Variants in SAP130 observed in about 807,000 individuals in gnomAD.
The protein encoded by SAP130 is Sin3A associated protein 130.
A neutral mutation model predicts 103.2 loss-of-function variants in SAP130; 16 were observed. The ratio of observed to expected loss-of-function variants is 0.16; its 90% CI spans 0.10 to 0.24. The LOEUF (loss-of-function observed/expected upper bound fraction) is 0.24. Among genes scored for constraint, SAP130 ranks in the 10% least tolerant of loss-of-function variants. SAP130 has a pLI of 1.00. For synonymous variants in SAP130, 477 were observed against 497.0 expected (o/e 0.96, Z 0.53); for missense variants, 990 against 1,359.7 (o/e 0.73, Z 4.28).
At chr2:128,016,058 C>G (rs894888240) in intron 4 of SAP130, among the ~76,000 whole-genome samples, 1 of 152,030 alleles carries the variant, frequency 6.6e-6, no homozygotes, top group African/African-American at 2.4e-5. Context: ...CCCCGGAAGG[C>G]AGTTCTTGAC....
intron 7 of SAP130, among the ~76,000 whole-genome samples, chr2:128,004,755 C>G (rs1326430039): frequency 2.0e-5 from 3 of 152,084 alleles, no homozygotes; most frequent in Non-Finnish European, 4.4e-5. Flanking sequence ...TGCGGGGGAC[C>G]TAGGGAAGAG....
intron 1 of SAP130, among the ~76,000 whole-genome samples, chr2:128,026,538 T>A (rs1428139377): frequency 6.6e-6 from 1 of 152,248 alleles, no homozygotes; most frequent in Non-Finnish European, 1.5e-5. Context: ...TAAATACTTG[T>A]GGATTGCTAT....
intron 16 of SAP130, among the ~76,000 whole-genome samples, chr2:127,952,750 T>A (rs1679580384): frequency 6.6e-6 from 1 of 152,148 alleles, no homozygotes; most frequent in African/African-American, 2.4e-5. Flanking sequence ...GAAATATTTT[T>A]GTTCTTGCAA....
At chr2:127,972,344 C>A (rs1041464710) in intron 15 of SAP130, among the ~76,000 whole-genome samples, 1 of 152,222 alleles carries the variant, frequency 6.6e-6, no homozygotes, top group African/African-American at 2.4e-5. Context: ...GGTGCAGTGG[C>A]TCATGCCTGT....
chr2:128,027,057 G>C (rs570340621), intron 1 of SAP130: 1 of 1,401,388 alleles, frequency 7.1e-7, no homozygotes. Flanking sequence ...GCGATCTGGG[G>C]ACCCGACCAC....
At position 127,950,001 on chromosome 2, in the gene SAP130, A is replaced by T; in HGVS notation, c.2672-7T>A. On this transcript the variant is annotated splice_polypyrimidine_tract_variant and splice_region_variant and intron_variant, in intron 17 of 20. Coordinates refer to ENST00000643581, the MANE Select transcript of SAP130 (RefSeq NM_001330301.2). ...TATCTCACACCTTCCTCATCTGTTAAAGAGAAGACATTAAACAACTTAGTA... is the reference window on the plus strand; with the variant it reads ...TATCTCACACCTTCCTCATCTGTTATAGAGAAGACATTAAACAACTTAGTA... The T allele has an allele frequency of 6.2e-7, 1 of 1,613,428 alleles. No homozygotes were observed. Among genetic ancestry groups the T allele is most frequent in the Non-Finnish European group, 8.5e-7 (1 of 1,179,484 alleles).
At position 127,996,298 on chromosome 2, in the gene SAP130, C is replaced by A; in HGVS notation, c.1355+52G>T. On this transcript the variant is annotated intron_variant, in intron 11 of 20. Coordinates refer to ENST00000643581, the MANE Select transcript of SAP130 (RefSeq NM_001330301.2). The surrounding 1 kb of genome is among the most constrained non-coding windows in gnomAD (Gnocchi z 4.3). The stretch of plus-strand genomic sequence containing the variant: ...GACACTTTGTTTTATGCTGATAAAG[C>A]AGAACGATTAATGACACAGTGAGGC... 1.4e-6 allele frequency: 2 copies of A among 1,474,272 alleles called. No homozygotes were observed. Among genetic ancestry groups the A allele is most frequent in the Non-Finnish European group, 1.8e-6 (2 of 1,102,718 alleles). The allele number at this position is 1,474,272 out of a possible 1,614,324, so 91.3% of individuals were successfully genotyped here.
In SAP130 at chr2:127,986,714, A is replaced by G; in HGVS notation, c.1958+71T>C. 6.9e-7 allele frequency: 1 copy of G among 1,455,856 alleles called. No individual in the cohort carries two copies. Among genetic ancestry groups the G allele is most frequent in the Non-Finnish European group, 9.4e-7 (1 of 1,059,286 alleles). 90.2% of individuals were successfully genotyped at this position (1,455,856 alleles called of 1,614,324 possible). A position where few individuals can be genotyped will look rare whatever the true frequency, so the allele number is the denominator to read the frequency against. ...ATGAGTTTGATACCAGCATTAGATA[A>G]GAGTGCCTATTATGTATACCAGTTA... On this transcript the variant is annotated intron_variant, in intron 14 of 20. Coordinates refer to ENST00000643581, the MANE Select transcript of SAP130 (RefSeq NM_001330301.2). This position sits in a 1 kb window ranked among gnomAD's most constrained non-coding sequence, Gnocchi z 4.7.
At position 128,016,546 on chromosome 2, in the gene SAP130, G is replaced by A. The variant is rs890620840; in HGVS notation, c.350C>T (p.Pro117Leu). The A allele has an allele frequency of 2.5e-6, 4 of 1,608,870 alleles. No homozygotes were observed. Among genetic ancestry groups the A allele is most frequent in the Non-Finnish European group, 3.4e-6 (4 of 1,177,352 alleles). The change falls in exon 4 of 21, where the codon CCG becomes CTG. Residue 117 changes from proline (P) to leucine (L), a missense_variant and splice_region_variant. This residue lies in a region of SAP130 where 167 missense variants were observed against 187.4 expected (regional missense o/e 0.89). Transcript: ENST00000643581. ...GCTAGGCATGGTGGGCTTCGGGGGC[G>A]GCTGCAAACAGAAAACCACACAAAA... The part of the protein sequence containing the change: ...PLSFSEGLMK[P>L]PPKPTMPSRP...
chr2:127,960,872 G>C (rs558026303), intron 15 of SAP130, among the ~76,000 whole-genome samples: 2 of 152,208 alleles, frequency 1.3e-5, no homozygotes, highest in African/African-American at 4.8e-5. Context: ...TGATTTTAGA[G>C]ATGCTATGGT....
intron 14 of SAP130, among the ~76,000 whole-genome samples, chr2:127,981,211 T>A (rs1461530559): frequency 6.6e-6 from 1 of 151,694 alleles, no homozygotes; most frequent in Non-Finnish European, 1.5e-5. Context: ...TTAACATGTC[T>A]GTTCACCTCG....
Position 127,989,799 on chromosome 2 carries a change from G to A in SAP130, c.1545C>T (p.His515=). 2 of 1,614,210 alleles carry A rather than the reference G, an allele frequency of 1.2e-6. No homozygotes were observed. Among genetic ancestry groups the A allele is most frequent in the South Asian group, 1.1e-5 (1 of 91,084 alleles). ...QTGVGVASTV[H]LNPMQLMTVD... is the part of the protein sequence containing the mutation. ...CTGTCATCAACTGCATGGGGTTTAG[G>A]TGGACGGTAGACGCTACCCCAACAC... Residue 515 remains histidine, a synonymous_variant, in exon 13 of 21, where the codon CAC becomes CAT. Transcript: ENST00000643581. The surrounding 1 kb of genome is among the most constrained non-coding windows in gnomAD (Gnocchi z 4.6).
At chr2:128,009,839 C>T (rs959049072) in intron 7 of SAP130, among the ~76,000 whole-genome samples, 6 of 152,180 alleles carry the variant, frequency 3.9e-5, no homozygotes, top group Admixed American at 1.3e-4. Context: ...GCTCACTGTT[C>T]CCACTGCCTA....
intron 2 of SAP130, among the ~76,000 whole-genome samples, chr2:128,025,590 T>C (rs1351595296): frequency 2.0e-5 from 3 of 152,224 alleles, no homozygotes; most frequent in Non-Finnish European, 4.4e-5. Flanking sequence ...ATTATTCCCT[T>C]AGCAATACAG....
chr2:127,977,361 G>A (rs1026849197), intron 15 of SAP130, among the ~76,000 whole-genome samples: 3 of 147,878 alleles, frequency 2.0e-5, no homozygotes, highest in African/African-American at 4.9e-5. Flanking sequence ...AAAGCCAGGT[G>A]TGGTGGCACA....
chr2:127,971,016 A>T (rs954865170), intron 15 of SAP130, among the ~76,000 whole-genome samples: 1 of 151,908 alleles, frequency 6.6e-6, no homozygotes, highest in Non-Finnish European at 1.5e-5. Context: ...AATGACATGA[A>T]CACAACTCAC....
In SAP130 at chr2:127,950,409, C is replaced by T. The variant is rs768718803; in HGVS notation, c.2423-1G>A. ...GTGTTGGTAGCCAGTGGAGGAACTGCTGTCATAGGAAAAGGAGCACACATA... is the reference window on the plus strand; with the variant it reads ...GTGTTGGTAGCCAGTGGAGGAACTGTTGTCATAGGAAAAGGAGCACACATA... On this transcript the variant is annotated splice_acceptor_variant, in intron 16 of 20. Coordinates refer to ENST00000643581, the MANE Select transcript of SAP130 (RefSeq NM_001330301.2). LOFTEE classifies it high-confidence loss of function. 2 of 1,614,088 alleles carry T rather than the reference C, an allele frequency of 1.2e-6. No individual in the cohort carries two copies. Among genetic ancestry groups the T allele is most frequent in the Non-Finnish European group, 1.7e-6 (2 of 1,179,956 alleles).
intron 15 of SAP130, among the ~76,000 whole-genome samples, chr2:127,961,128 C>T (rs953293173): frequency 6.6e-6 from 1 of 151,300 alleles, no homozygotes; most frequent in African/African-American, 2.4e-5. Context: ...AGCTTGGGAC[C>T]ACAGGTGTGC....
Position 127,941,960 on chromosome 2 carries a change from C to A in SAP130, c.*46G>T. 1 of 382,396 alleles carries A rather than the reference C, an allele frequency of 2.6e-6. No homozygotes were observed. 23.7% of individuals were successfully genotyped at this position (382,396 alleles called of 1,614,324 possible). A position where few individuals can be genotyped will look rare whatever the true frequency, so the allele number is the denominator to read the frequency against. The stretch of plus-strand genomic sequence containing the variant: ...ACCAAAACCCTCCCCCCACCCCCAC[C>A]ATCATTCTTCATAAATTTGCTTCCA... On this transcript the variant is annotated 3_prime_UTR_variant, in exon 21 of 21. Transcript: ENST00000643581.
Sources: gnomAD v4.1 joint callset for allele counts (sites outside exome capture counted in the v4.1 genomes callset) on GRCh38, gnomAD v4.1.1 for gene constraint, gnomAD v4.1.1 regional missense constraint, Gnocchi (gnomAD v3.1) non-coding constraint, MANE v1.5 for transcripts, NCBI Gene and HGNC (gene_info 2026-07-23, HGNC 2026-07-21) for gene names.